MYRIP: variants seen among roughly 807,000 people sequenced by gnomAD.
MYRIP encodes the protein myosin VIIA and Rab interacting protein.
Under a neutral mutation model 98.0 loss-of-function variants are expected in MYRIP, and 49 were observed. The observed-to-expected ratio is 0.50, with a 90% CI of 0.40 to 0.63. MYRIP has a LOEUF of 0.63. Among genes scored for constraint, MYRIP ranks in the 30% least tolerant of loss-of-function variants. MYRIP has a pLI of 0.00. For missense variants in MYRIP, 1,004 were observed against 1,058.2 expected, an observed-to-expected ratio of 0.95 and a Z score of 0.71; for synonymous variants, 404 against 409.5, an observed-to-expected ratio of 0.99 and a Z score of 0.16.
chr3:39,985,005 T>G (rs935272466), intron 2 of MYRIP, among the ~76,000 whole-genome samples: 4 of 150,610 alleles, frequency 2.7e-5, no homozygotes, highest in African/African-American at 9.8e-5. Flanking sequence ...TCATGTGTTT[T>G]TTGGCTGCAT....
chr3:40,202,970 G>A (rs575314864), intron 10 of MYRIP, among the ~76,000 whole-genome samples: 1 of 150,190 alleles, frequency 6.7e-6, no homozygotes, highest in African/African-American at 2.5e-5. Context: ...TTGCTCTGTC[G>A]CCAGGCTGGA....
chr3:39,888,653 G>A (rs1943385207), intron 1 of MYRIP, among the ~76,000 whole-genome samples: 1 of 152,090 alleles, frequency 6.6e-6, no homozygotes, highest in Non-Finnish European at 1.5e-5. Flanking sequence ...CAAAAGCAAT[G>A]GCAACAAAAG....
At chr3:40,197,158 A>T (rs1951413683) in intron 10 of MYRIP, among the ~76,000 whole-genome samples, 1 of 152,266 alleles carries the variant, frequency 6.6e-6, no homozygotes, top group African/African-American at 2.4e-5. Context: ...GTTCCACCTC[A>T]GGTCATCAGG....
chr3:39,886,780 C>T (rs1052933693), intron 1 of MYRIP, among the ~76,000 whole-genome samples: 104 of 151,490 alleles, frequency 6.9e-4, no homozygotes, highest in African/African-American at 2.4e-3. Context: ...GACAGATCAA[C>T]GAGACAGAAA....
chr3:39,904,902 G>A (rs1004645509), intron 2 of MYRIP, among the ~76,000 whole-genome samples: 3 of 152,188 alleles, frequency 2.0e-5, no homozygotes, highest in African/African-American at 7.2e-5. Flanking sequence ...TAGCAGGACT[G>A]TTGGGGGAAG....
intron 3 of MYRIP, among the ~76,000 whole-genome samples, chr3:40,053,440 A>T (rs1216750968): frequency 1.3e-5 from 2 of 152,316 alleles, no homozygotes; most frequent in Non-Finnish European, 2.9e-5. Flanking sequence ...AAAGCTAAAC[A>T]TATTTTCCAT....
chr3:40,155,886 A>G (rs1950223831), intron 4 of MYRIP, among the ~76,000 whole-genome samples: 1 of 150,594 alleles, frequency 6.6e-6, no homozygotes, highest in African/African-American at 2.4e-5. Context: ...TAGATTCTGG[A>G]TATTAGCCCT....
intron 11 of MYRIP, among the ~76,000 whole-genome samples, chr3:40,224,457 C>G (rs1374811007): frequency 6.6e-6 from 1 of 151,676 alleles, no homozygotes; most frequent in Non-Finnish European, 1.5e-5. Context: ...ACCTCTTAGG[C>G]CAAGAAAGGA....
At chr3:39,844,881 G>C (rs2125598811) in intron 1 of MYRIP, among the ~76,000 whole-genome samples, 1 of 152,288 alleles carries the variant, frequency 6.6e-6, no homozygotes, top group South Asian at 2.1e-4. Context: ...ATACGGGACA[G>C]AGCAGCTTAT....
At chr3:40,084,396 A>C in intron 3 of MYRIP, among the ~76,000 whole-genome samples, 1 of 147,796 alleles carries the variant, frequency 6.8e-6, no homozygotes, top group African/African-American at 2.5e-5. Context: ...TCGATAGATA[A>C]TACACATCTA....
intron 3 of MYRIP, chr3:40,100,075 G>T: frequency 1.0e-6 from 1 of 985,292 alleles, no homozygotes; most frequent in East Asian, 1.1e-4. Flanking sequence ...AGAGCCCTGT[G>T]TCTTTTCTTA....
At chr3:39,912,225 G>T (rs746173664) in intron 2 of MYRIP, among the ~76,000 whole-genome samples, 5 of 152,152 alleles carry the variant, frequency 3.3e-5, no homozygotes, top group African/African-American at 7.2e-5. Flanking sequence ...TTATACCTCA[G>T]GCTGGAAGAG....
intron 1 of MYRIP, among the ~76,000 whole-genome samples, chr3:39,895,527 T>A (rs901799769): frequency 3.9e-5 from 6 of 152,106 alleles, no homozygotes; most frequent in African/African-American, 1.4e-4. Flanking sequence ...ATATATATTT[T>A]TTTTTCGCTA....
chr3:39,982,958 T>G (rs1945931826), intron 2 of MYRIP, among the ~76,000 whole-genome samples: 1 of 152,212 alleles, frequency 6.6e-6, no homozygotes, highest in Non-Finnish European at 1.5e-5. Context: ...TGACCTATCA[T>G]AGAAAGAAAA....
chr3:39,852,512 T>A (rs1238996788), intron 1 of MYRIP, among the ~76,000 whole-genome samples: 1 of 152,136 alleles, frequency 6.6e-6, no homozygotes, highest in African/African-American at 2.4e-5. Context: ...CTGTACTGAA[T>A]GTGTAGTCTT....
chr3:40,054,694 C>A (rs2125842158), intron 3 of MYRIP, among the ~76,000 whole-genome samples: 1 of 152,266 alleles, frequency 6.6e-6, no homozygotes. Flanking sequence ...CTCCAGCCTG[C>A]CATCCACCCT....
intron 3 of MYRIP, among the ~76,000 whole-genome samples, chr3:40,126,587 ATATT>A (rs1559411224): frequency 6.6e-6 from 1 of 152,246 alleles, no homozygotes; most frequent in Non-Finnish European, 1.5e-5. Context: ...ATCTGATGAA[ATATT>A]TATTCTCGTC....
intron 1 of MYRIP, among the ~76,000 whole-genome samples, chr3:39,821,227 A>G (rs1250130743): frequency 6.6e-6 from 1 of 152,102 alleles, no homozygotes; most frequent in Non-Finnish European, 1.5e-5. Context: ...GAGATTTCCT[A>G]CTGGAGTGCA....
chr3:40,036,347 A>G (rs1203460994), intron 2 of MYRIP, among the ~76,000 whole-genome samples: 1 of 149,604 alleles, frequency 6.7e-6, no homozygotes, highest in African/African-American at 2.4e-5. Flanking sequence ...TGAGCTGTCA[A>G]CTTGGAATTC....
Sources: gnomAD v4.1 joint callset for allele counts (sites outside exome capture counted in the v4.1 genomes callset) on GRCh38, gnomAD v4.1.1 for gene constraint, MANE v1.5 for transcripts, NCBI Gene and HGNC (gene_info 2026-07-23, HGNC 2026-07-21) for gene names.